ATG10: variants seen among roughly 807,000 people sequenced by gnomAD.
The protein encoded by ATG10 is ubiquitin-like-conjugating enzyme ATG10.
In ATG10, 30 loss-of-function variants were observed where a neutral mutation model predicts 32.1. The ratio of observed to expected loss-of-function variants is 0.94; its 90% CI spans 0.70 to 1.27. The LOEUF is 1.27. Ranked by LOEUF, ATG10 falls within the 50% of genes most tolerant of loss-of-function variation. The pLI is 0.00. For missense variants in ATG10, 233 were observed against 262.3 expected, an observed-to-expected ratio of 0.89 and a Z score of 0.77; for synonymous variants, 87 against 91.5, an observed-to-expected ratio of 0.95 and a Z score of 0.28.
intron 1 of ATG10, among the ~76,000 whole-genome samples, chr5:81,975,682 C>CA (rs111857799): frequency 3.1e-4 from 45 of 143,448 alleles, no homozygotes; most frequent in Admixed American, 4.9e-4. Flanking sequence ...ACCCCCCTCT[C>CA]AAAAAAAAAA....
chr5:82,215,009 A>G (rs890878182), intron 5 of ATG10, among the ~76,000 whole-genome samples: 1 of 152,208 alleles, frequency 6.6e-6, no homozygotes, highest in African/African-American at 2.4e-5. Context: ...ATTTATTTCT[A>G]TTAACAAATT....
intron 3 of ATG10, among the ~76,000 whole-genome samples, chr5:82,151,871 A>G (rs999668252): frequency 1.3e-5 from 2 of 152,180 alleles, no homozygotes; most frequent in African/African-American, 2.4e-5. Flanking sequence ...AAGGGGATTG[A>G]AATATGAGAT....
chr5:82,063,313 ACT>A (rs545667992), intron 3 of ATG10, among the ~76,000 whole-genome samples: 5 of 151,962 alleles, frequency 3.3e-5, no homozygotes, highest in Admixed American at 6.6e-5. Context: ...ACAGAACAAG[ACT>A]CTGTCTCAAA....
At chr5:82,040,134 A>G (rs765870363) in intron 2 of ATG10, among the ~76,000 whole-genome samples, 8 of 152,208 alleles carry the variant, frequency 5.3e-5, no homozygotes, top group Non-Finnish European at 8.8e-5. Flanking sequence ...GCAGAGGGTC[A>G]TTCCCCTGGG....
chr5:82,062,339 C>T (rs1763812134), intron 3 of ATG10, among the ~76,000 whole-genome samples: 1 of 151,978 alleles, frequency 6.6e-6, no homozygotes, highest in African/African-American at 2.4e-5. Flanking sequence ...TTTGGCAACT[C>T]ATAGTAAATT....
At chr5:82,124,647 T>A (rs893670822) in intron 3 of ATG10, among the ~76,000 whole-genome samples, 2 of 152,096 alleles carry the variant, frequency 1.3e-5, no homozygotes, top group East Asian at 3.9e-4. Flanking sequence ...TTTAGGGTAT[T>A]CCATGGTGTA....
At chr5:81,975,325 TA>T in intron 1 of ATG10, among the ~76,000 whole-genome samples, 1 of 152,192 alleles carries the variant, frequency 6.6e-6, no homozygotes, top group African/African-American at 2.4e-5. Flanking sequence ...TTCTGAAAAA[TA>T]AAAAAATATT....
At chr5:82,058,677 C>T in intron 3 of ATG10, 75 bp downstream of exon 3, 1 of 887,436 alleles carries the variant, frequency 1.1e-6, no homozygotes, top group Non-Finnish European at 1.8e-6. Flanking sequence ...TTTAATGACT[C>T]CATCGCATTC....
intron 5 of ATG10, among the ~76,000 whole-genome samples, chr5:82,190,773 C>CAAAAAAAAAAAAAAAAAAAAAAAAAAAA (rs35513819): frequency 1.9e-5 from 1 of 53,654 alleles, no homozygotes; most frequent in Non-Finnish European, 3.3e-5. Flanking sequence ...GACTCCATCT[C>CAAAAAAAAAAAAAAAAAAAAAAAAAAAA]AAAAAAAAAA....
chr5:82,119,417 AG>A (rs1353285017), intron 3 of ATG10, among the ~76,000 whole-genome samples: 1 of 152,136 alleles, frequency 6.6e-6, no homozygotes, highest in Non-Finnish European at 1.5e-5. Context: ...TGTGTGTGGT[AG>A]GATGAGAAAG....
At chr5:82,058,827 T>C (rs1029007975) in intron 3 of ATG10, among the ~76,000 whole-genome samples, 3 of 152,092 alleles carry the variant, frequency 2.0e-5, no homozygotes, top group Non-Finnish European at 4.4e-5. Context: ...GGGCCTGTTG[T>C]AGGGGGAGAA....
At chr5:82,118,053 A>C (rs1236084497) in intron 3 of ATG10, among the ~76,000 whole-genome samples, 1 of 152,008 alleles carries the variant, frequency 6.6e-6, no homozygotes, top group Non-Finnish European at 1.5e-5. Flanking sequence ...ATGATGGAGA[A>C]CAATAAATAA....
At chr5:82,141,277 C>A (rs1767121529) in intron 3 of ATG10, among the ~76,000 whole-genome samples, 1 of 150,524 alleles carries the variant, frequency 6.6e-6, no homozygotes, top group African/African-American at 2.4e-5. Flanking sequence ...TAATTAATAA[C>A]TTGTTACTTG....
intron 3 of ATG10, among the ~76,000 whole-genome samples, chr5:82,128,098 T>C (rs1279998423): frequency 2.6e-5 from 4 of 152,122 alleles, no homozygotes; most frequent in Non-Finnish European, 5.9e-5. Flanking sequence ...GAGACTAGAA[T>C]TGCAACCCCT....
intron 4 of ATG10, among the ~76,000 whole-genome samples, chr5:82,167,561 C>T (rs1743630938): frequency 6.6e-6 from 1 of 152,158 alleles, no homozygotes; most frequent in South Asian, 2.1e-4. Flanking sequence ...CTGTTGTCTC[C>T]AGGAGACCTA....
chr5:82,226,233 T>TTA (rs1319924200), intron 5 of ATG10, among the ~76,000 whole-genome samples: 1 of 152,224 alleles, frequency 6.6e-6, no homozygotes, highest in Non-Finnish European at 1.5e-5. Context: ...AATGCCCATA[T>TTA]TAGCAGCTTG....
intron 3 of ATG10, among the ~76,000 whole-genome samples, chr5:82,135,015 G>T (rs1766665304): frequency 6.6e-6 from 1 of 150,590 alleles, no homozygotes. Context: ...TTTGCATAGA[G>T]GTGTTTATAG....
chr5:82,117,997 A>G (rs945283236), intron 3 of ATG10, among the ~76,000 whole-genome samples: 1 of 152,090 alleles, frequency 6.6e-6, no homozygotes, highest in Admixed American at 6.6e-5. Flanking sequence ...CAGAGAGACC[A>G]GTTGAAGAAA....
chr5:81,996,305 A>G (rs1314019952), intron 2 of ATG10, among the ~76,000 whole-genome samples: 1 of 152,166 alleles, frequency 6.6e-6, no homozygotes, highest in African/African-American at 2.4e-5. Context: ...TGGAGTGATC[A>G]TGGCTCACTG....
Sources: allele counts gnomAD v4.1 joint callset (sites outside exome capture counted in the v4.1 genomes callset), GRCh38; gene constraint gnomAD v4.1.1; transcripts MANE v1.5; gene names NCBI Gene and HGNC (gene_info 2026-07-23, HGNC 2026-07-21).